ADA: variants seen among roughly 807,000 people sequenced by gnomAD.
ADA encodes adenosine deaminase.
A neutral mutation model predicts 49.0 loss-of-function variants in ADA; 45 were observed. That is an observed-to-expected ratio of 0.92 (90% CI 0.72 to 1.18). The LOEUF is 1.18. ADA is among the 50% of genes most tolerant of loss of function. ADA has a pLI of 0.00. For synonymous variants in ADA, 173 were observed against 184.2 expected, an observed-to-expected ratio of 0.94 and a Z score of 0.49; for missense variants, 445 against 472.5, an observed-to-expected ratio of 0.94 and a Z score of 0.54.
intron 1 of ADA, among the ~76,000 whole-genome samples, chr20:44,641,153 G>A (rs547982247): frequency 2.0e-4 from 31 of 152,338 alleles, no homozygotes; most frequent in South Asian, 4.1e-4. Flanking sequence ...GGGGGCTTCA[G>A]AGGAGTAGTT....
chr20:44,645,313 G>A (rs142453512), intron 1 of ADA, among the ~76,000 whole-genome samples: 76 of 148,178 alleles, frequency 5.1e-4, no homozygotes, highest in African/African-American at 1.8e-3. Context: ...AGCCAAAATC[G>A]TGCCACTGCA....
chr20:44,649,730 CTTTTTTTTTTTT>C (rs755647195), intron 1 of ADA, among the ~76,000 whole-genome samples: 1 of 81,856 alleles, frequency 1.2e-5, no homozygotes, highest in Non-Finnish European at 2.2e-5. Context: ...ATCAAGGAGC[CTTTTTTTTTTTT>C]TTTTTTTTTT....
chr20:44,632,785 C>G (rs2065445769), intron 2 of ADA, among the ~76,000 whole-genome samples: 1 of 152,212 alleles, frequency 6.6e-6, no homozygotes, highest in Non-Finnish European at 1.5e-5. Flanking sequence ...CTTCACCTCC[C>G]TGGTTCAAGT....
intron 11 of ADA, 65 bp from the exon 12 acceptor site, chr20:44,619,912 T>A (rs2065311699): frequency 6.2e-7 from 1 of 1,603,782 alleles, no homozygotes; most frequent in South Asian, 1.1e-5. Flanking sequence ...GTTGTAAAAA[T>A]CATAGAACAC....
At position 44,651,669 on chromosome 20, in the gene ADA, C is replaced by T. The variant is rs1274420309; in HGVS notation, c.-62G>A. The T allele has an allele frequency of 2.7e-6, 4 of 1,454,618 alleles. No individual in the cohort carries two copies. The highest frequency in any genetic ancestry group is 2.5e-5 in the Admixed American group (1 of 39,848). The allele number at this position is 1,454,618 out of a possible 1,614,324, so 90.1% of individuals were successfully genotyped here. ...GCCGCTCGGTGGGTCTCTGCCGGCT[C>T]GGTGGCCGCTCGGCTTTCCCTGGGG... On this transcript the variant is annotated 5_prime_UTR_variant, in exon 1 of 12. Coordinates refer to ENST00000372874, the MANE Select transcript of ADA (RefSeq NM_000022.4).
rs545428772 is a variant in ADA at position 44,635,419 on chromosome 20, G to A, written c.95+808C>T. 9.8e-5 allele frequency among the ~76,000 whole-genome samples: 15 copies of A among 152,296 alleles called. No individual in the cohort carries two copies. In the South Asian group the frequency reaches 2.1e-3, roughly 21 times the overall value. On this transcript the variant is annotated intron_variant, in intron 2 of 11. Coordinates refer to ENST00000372874, the MANE Select transcript of ADA (RefSeq NM_000022.4). Reference sequence around the variant, plus strand: ...TGATCTGCTATTAATTTGTGTGACCGTGGACAACTGTCTTGGCTGAGCCCA... The same window carrying A: ...TGATCTGCTATTAATTTGTGTGACCATGGACAACTGTCTTGGCTGAGCCCA...
At chr20:44,622,164 C>T (rs1011767108) in intron 9 of ADA, among the ~76,000 whole-genome samples, 3 of 152,318 alleles carry the variant, frequency 2.0e-5, no homozygotes, top group Admixed American at 6.5e-5. Context: ...ACAGACCCTC[C>T]GGTGGAAAGC....
In ADA at chr20:44,626,521, C is replaced by G. The variant is rs1437613842; in HGVS notation, c.297G>C (p.Glu99Asp). The change falls in exon 4 of 12, where the codon GAG (glutamate) becomes GAC (aspartate). Residue 99 changes from glutamate to aspartate, a missense_variant. Coordinates refer to ENST00000372874, the MANE Select transcript of ADA (RefSeq NM_000022.4). The part of the protein sequence containing the change: ...MKAKEGVVYV[E>D]VRYSPHLLAN... The stretch of plus-strand genomic sequence containing the variant: ...CCAGCAGGTGCGGACTGTACCGCAC[C>G]TCCACATACACCACGCCCTCTTTGG... The G allele has an allele frequency of 1.9e-6, 3 of 1,614,200 alleles. No individual in the cohort carries two copies. The highest frequency in any genetic ancestry group is 1.7e-6 in the Non-Finnish European group (2 of 1,180,044).
chr20:44,641,543 G>T (rs981957862), intron 1 of ADA, among the ~76,000 whole-genome samples: 1 of 152,160 alleles, frequency 6.6e-6, no homozygotes, highest in African/African-American at 2.4e-5. Flanking sequence ...CACCCATGGG[G>T]ATGATTGAGG....
intron 1 of ADA, among the ~76,000 whole-genome samples, chr20:44,636,914 T>A (rs2065486037): frequency 6.6e-6 from 1 of 152,166 alleles, no homozygotes; most frequent in Non-Finnish European, 1.5e-5. Flanking sequence ...CAAGCAATTC[T>A]TGTGCCTCAG....
Position 44,620,960 on chromosome 20 carries a change from C to T in ADA, c.975+58G>A, listed in dbSNP as rs555993134. ...AAAGATTCCAGGCCCCGGACTGGAC[C>T]TGTAGATACCATACTCCCAAACCCG... On this transcript the variant is annotated intron_variant, in intron 10 of 11. Coordinates refer to ENST00000372874, the MANE Select transcript of ADA (RefSeq NM_000022.4). 7.7e-4 allele frequency: 1,246 copies of T among 1,611,358 alleles called. 1 individual carries two copies. The highest frequency in any genetic ancestry group is 1.3e-3 in the Admixed American group (75 of 59,976).
chr20:44,620,620 T>TG (rs2123508990), intron 10 of ADA: 1 of 616,982 alleles, frequency 1.6e-6, no homozygotes, highest in African/African-American at 1.8e-5. Flanking sequence ...AGAAGGAAGT[T>TG]GGAGAAACCT....
chr20:44,634,356 T>G (rs1351976299), intron 2 of ADA, among the ~76,000 whole-genome samples: 1 of 152,216 alleles, frequency 6.6e-6, no homozygotes, highest in East Asian at 1.9e-4. Flanking sequence ...ATGGAGCACA[T>G]TAATGTGTGC....
Position 44,622,640 on chromosome 20 carries a change from A to T in ADA, c.793T>A (p.Ser265Thr). ...TTCCAGGCACCAGTGAGGTAGCTGGACCAGGGGCAGATCTGGAAGAGCAGG... is the reference window on the plus strand; with the variant it reads ...TTCCAGGCACCAGTGAGGTAGCTGGTCCAGGGGCAGATCTGGAAGAGCAGG... ...ENMHFEICPW[S>T]SYLTGAWKPD... Residue 265 changes from serine to threonine, a missense_variant, in exon 9 of 12, where the codon TCC (serine) becomes ACC (threonine). Ser to Thr is a moderately conservative substitution (Grantham distance 58, BLOSUM62 1). Transcript: ENST00000372874. 6.2e-7 allele frequency: 1 copy of T among 1,614,214 alleles called. No individual in the cohort carries two copies. The highest frequency in any genetic ancestry group is 8.5e-7 in the Non-Finnish European group (1 of 1,180,032).
intron 8 of ADA, 60 bp from the exon 9 acceptor site, chr20:44,622,712 C>CA: frequency 6.2e-7 from 1 of 1,613,378 alleles, no homozygotes; most frequent in South Asian, 1.1e-5. Context: ...TTCCTCCCCC[C>CA]ATGTCTGGGC....
At chr20:44,639,234 TAGAA>T (rs2065509042) in intron 1 of ADA, among the ~76,000 whole-genome samples, 2 of 151,878 alleles carry the variant, frequency 1.3e-5, no homozygotes, top group South Asian at 4.1e-4. Flanking sequence ...AACAGGTGGA[TAGAA>T]AGAGATGCCA....
chr20:44,634,360 T>C (rs2065460600), intron 2 of ADA, among the ~76,000 whole-genome samples: 1 of 152,238 alleles, frequency 6.6e-6, no homozygotes, highest in Non-Finnish European at 1.5e-5. Flanking sequence ...AGCACATTAA[T>C]GTGTGCTAGG....
chr20:44,624,073 G>C lies in ADA; in HGVS notation c.606+129C>G, dbSNP rs547327388. On this transcript the variant is annotated intron_variant, in intron 6 of 11. Coordinates refer to ENST00000372874, the MANE Select transcript of ADA (RefSeq NM_000022.4). ...GGGGGATTCCAGTTCCAAGCCTTAA[G>C]ACCCAACAAAGACACACTTCAGAAC... 10 of 1,356,164 alleles carry C rather than the reference G, an allele frequency of 7.4e-6. No homozygotes were observed. The African/African-American group carries it at 1.2e-4, about 16-fold the overall frequency. The allele number at this position is 1,356,164 out of a possible 1,614,324, so 84.0% of individuals were successfully genotyped here.
intron 1 of ADA, among the ~76,000 whole-genome samples, chr20:44,649,647 C>T (rs1354233646): frequency 6.6e-6 from 1 of 150,468 alleles, no homozygotes; most frequent in Non-Finnish European, 1.5e-5. Flanking sequence ...CTGCAAGGAT[C>T]CAATGGGTGT....
Sources: gnomAD v4.1 joint callset for allele counts (sites outside exome capture counted in the v4.1 genomes callset) on GRCh38, gnomAD v4.1.1 for gene constraint, MANE v1.5 for transcripts, NCBI Gene and HGNC (gene_info 2026-07-23, HGNC 2026-07-21) for gene names.